AK3: variants seen among roughly 807,000 people sequenced by gnomAD.
AK3 encodes the protein GTP:AMP phosphotransferase AK3, mitochondrial.
A neutral mutation model predicts 23.7 loss-of-function variants in AK3; 27 were observed. The observed-to-expected ratio is 1.14, with a 90% CI of 0.84 to 1.57. AK3 has a LOEUF of 1.57. AK3 is among the 40% of genes most tolerant of loss of function. The probability of loss-of-function intolerance (pLI) is 0.00; values close to 1 mark genes in which losing one functional copy is unlikely to be tolerated. For synonymous variants in AK3, 159 were observed against 116.0 expected, an observed-to-expected ratio of 1.37 and a Z score of -2.38; for missense variants, 406 against 285.6, an observed-to-expected ratio of 1.42 and a Z score of -3.04.
rs961046262 is a variant in AK3, at chr9:4,709,577, T to C, written c.*3399A>G. The C allele has an allele frequency of 6.6e-6, 1 of 152,180 alleles. No homozygotes were observed. The highest frequency in any genetic ancestry group is 2.4e-5 in the African/African-American group (1 of 41,426). The allele number at this position is 152,180 out of a possible 1,614,324, so 9.4% of individuals were successfully genotyped here. Reference sequence around the variant, plus strand: ...CTGATTTACACTTAGGCATGACAGTTTATTCAGTGCTATATATGGAAAAAT... The same window carrying C: ...CTGATTTACACTTAGGCATGACAGTCTATTCAGTGCTATATATGGAAAAAT... On this transcript the variant is annotated 3_prime_UTR_variant, in exon 5 of 5. Transcript: ENST00000381809.
intron 1 of AK3, among the ~76,000 whole-genome samples, chr9:4,738,831 G>A (rs988635164): frequency 1.4e-5 from 2 of 138,510 alleles, no homozygotes; most frequent in East Asian, 2.2e-4. Flanking sequence ...GAGTGTAGTA[G>A]CACAATCTCG....
At chr9:4,723,677 G>A (rs147425992) in intron 1 of AK3, among the ~76,000 whole-genome samples, 1 of 151,864 alleles carries the variant, frequency 6.6e-6, no homozygotes, top group African/African-American at 2.4e-5. Context: ...CTTTTCGGTG[G>A]TTTTATATAG....
intron 1 of AK3, among the ~76,000 whole-genome samples, chr9:4,728,832 CATATATATATATATATAT>C (rs145541536): frequency 5.8e-5 from 5 of 86,860 alleles, no homozygotes; most frequent in Non-Finnish European, 1.2e-4. Flanking sequence ...CATGTCTCTA[CATATATATATATATATAT>C]ATATATATAT....
rs1257859350 is a variant in AK3 at position 4,715,506 on chromosome 9, T to C, written c.564-2410A>G. 1.3e-5 allele frequency among the ~76,000 whole-genome samples: 2 copies of C among 151,720 alleles called. 1 individual carries two copies. The highest frequency in any genetic ancestry group is 1.3e-4 in the Admixed American group (2 of 15,238). On this transcript the variant is annotated intron_variant, in intron 4 of 4. Transcript: ENST00000381809. Reference sequence around the variant, plus strand: ...ACCCACTGGGTCCAAGCAATCTTCTTACCTCAGACTCCCCAGTAGCTGGGA... The same window carrying C: ...ACCCACTGGGTCCAAGCAATCTTCTCACCTCAGACTCCCCAGTAGCTGGGA...
chr9:4,728,930 T>C (rs1842084800), intron 1 of AK3, among the ~76,000 whole-genome samples: 1 of 143,836 alleles, frequency 7.0e-6, no homozygotes, highest in Non-Finnish European at 1.5e-5. Flanking sequence ...TATAAATATA[T>C]ACATACATAT....
intron 4 of AK3, among the ~76,000 whole-genome samples, chr9:4,714,087 TA>T (rs1412618310): frequency 2.7e-5 from 3 of 111,022 alleles, no homozygotes; most frequent in South Asian, 2.8e-4. Context: ...TATACACACC[TA>T]CACATATACA....
At chr9:4,721,182 C>T (rs148673785) in intron 2 of AK3, among the ~76,000 whole-genome samples, 25 of 152,064 alleles carry the variant, frequency 1.6e-4, no homozygotes, top group Non-Finnish European at 3.1e-4. Flanking sequence ...GTGGGCAGAT[C>T]ACTTGAGGCC....
At chr9:4,720,171 C>G (rs970679603) in intron 2 of AK3, among the ~76,000 whole-genome samples, 3 of 151,994 alleles carry the variant, frequency 2.0e-5, no homozygotes, top group Non-Finnish European at 4.4e-5. Context: ...CCCTAACAGA[C>G]AAAGAGATGT....
chr9:4,739,355 T>G (rs1296289449), intron 1 of AK3, among the ~76,000 whole-genome samples: 1 of 151,672 alleles, frequency 6.6e-6, no homozygotes, highest in South Asian at 2.1e-4. Context: ...TGCGCCTCGC[T>G]AATTGTTTTT....
At chr9:4,725,183 C>T (rs1042758634) in intron 1 of AK3, among the ~76,000 whole-genome samples, 1 of 151,784 alleles carries the variant, frequency 6.6e-6, no homozygotes. Flanking sequence ...ACCACCATGC[C>T]CAGCTAATTT....
chr9:4,713,966 A>G (rs71216136), intron 4 of AK3, among the ~76,000 whole-genome samples: 1,790 of 10,158 alleles, frequency 0.18, 4 homozygotes, highest in East Asian at 0.37. Flanking sequence ...ACATATACAC[A>G]CCTCCACATT....
At chr9:4,719,382 A>G (rs759001381) in intron 2 of AK3, 75 bp from the exon 3 acceptor site, 4 of 1,097,708 alleles carry the variant, frequency 3.6e-6, no homozygotes, top group Non-Finnish European at 5.1e-6. Flanking sequence ...GGGTGGAGAA[A>G]GAAGAAAGAA....
At chr9:4,728,048 A>G (rs1343052842) in intron 1 of AK3, among the ~76,000 whole-genome samples, 1 of 152,232 alleles carries the variant, frequency 6.6e-6, no homozygotes, top group Non-Finnish European at 1.5e-5. Context: ...CAATTATAAT[A>G]GTAACATCAA....
At chr9:4,735,932 T>C (rs1465839058) in intron 1 of AK3, among the ~76,000 whole-genome samples, 7 of 149,474 alleles carry the variant, frequency 4.7e-5, no homozygotes, top group Admixed American at 4.0e-4. Context: ...CCGGCTAACA[T>C]GGTGAAACCC....
chr9:4,739,690 G>A (rs111464660), intron 1 of AK3, among the ~76,000 whole-genome samples: 1 of 151,854 alleles, frequency 6.6e-6, no homozygotes, highest in African/African-American at 2.4e-5. Flanking sequence ...CGAGCACTTT[G>A]GAAGGCCGAG....
At chr9:4,736,485 AAAC>A (rs901112339) in intron 1 of AK3, among the ~76,000 whole-genome samples, 25 of 116,050 alleles carry the variant, frequency 2.2e-4, no homozygotes, top group East Asian at 1.3e-3. Context: ...AAAAAAAAAA[AAAC>A]AACTCCGCTT....
At position 4,710,259 on chromosome 9, in the gene AK3, G is replaced by C. The variant is rs1055497413; in HGVS notation, c.*2717C>G. The C allele has an allele frequency of 6.6e-6, 1 of 152,242 alleles. No homozygotes were observed. The highest frequency in any genetic ancestry group is 2.4e-5 in the African/African-American group (1 of 41,404). The allele number at this position is 152,242 out of a possible 1,614,324, so 9.4% of individuals were successfully genotyped here. On this transcript the variant is annotated 3_prime_UTR_variant, in exon 5 of 5. Coordinates refer to ENST00000381809, the MANE Select transcript of AK3 (RefSeq NM_016282.4). The stretch of plus-strand genomic sequence containing the variant: ...GTCTCCCTCTGTCGCCCAGGCTGGA[G>C]TGCAGTGGCACGATCTCAGCTCACT...
intron 1 of AK3, among the ~76,000 whole-genome samples, chr9:4,728,856 T>TACACACACACAC (rs1236773024): frequency 6.2e-4 from 38 of 60,874 alleles, no homozygotes; most frequent in South Asian, 2.3e-3. Flanking sequence ...TATATATATA[T>TACACACACACAC]ATATATATAT....
intron 1 of AK3, among the ~76,000 whole-genome samples, chr9:4,738,408 C>T (rs1028203164): frequency 3.3e-5 from 5 of 152,134 alleles, no homozygotes; most frequent in African/African-American, 1.2e-4. Context: ...TCTGGTGATT[C>T]ACCCACCTCA....
Sources: gnomAD v4.1 joint callset for allele counts (sites outside exome capture counted in the v4.1 genomes callset) on GRCh38, gnomAD v4.1.1 for gene constraint, MANE v1.5 for transcripts, NCBI Gene and HGNC (gene_info 2026-07-23, HGNC 2026-07-21) for gene names.